The following ARMH4 variants were observed in gnomAD, a reference collection of about 807,000 sequenced individuals.
The protein encoded by ARMH4 is armadillo like helical domain containing 4.
In ARMH4, 49 loss-of-function variants were observed where a neutral mutation model predicts 61.9. The ratio of observed to expected loss-of-function variants is 0.79; its 90% CI spans 0.63 to 1.00. ARMH4 has a LOEUF of 1.00. Among genes scored for constraint, ARMH4 ranks in the 50% least tolerant of loss-of-function variants. The pLI, the probability that ARMH4 is intolerant of heterozygous loss-of-function variation, is 0.00. For synonymous variants in ARMH4, 368 were observed against 341.5 expected (o/e 1.08, Z -0.85); for missense variants, 934 against 930.0 (o/e 1.00, Z -0.06).
At chr14:58,064,354 G>T (rs1884635139) in intron 5 of ARMH4, among the ~76,000 whole-genome samples, 1 of 152,122 alleles carries the variant, frequency 6.6e-6, no homozygotes, top group Non-Finnish European at 1.5e-5. Flanking sequence ...CACTATCTTT[G>T]CTATTTAAAT....
intron 4 of ARMH4, among the ~76,000 whole-genome samples, chr14:58,099,173 T>C (rs1215211127): frequency 1.3e-5 from 2 of 152,186 alleles, no homozygotes; most frequent in Non-Finnish European, 2.9e-5. Context: ...ATGTTGGAAG[T>C]CTAGGGAAGT....
chr14:58,012,578 G>A (rs1221800221), intron 5 of ARMH4, among the ~76,000 whole-genome samples: 1 of 152,136 alleles, frequency 6.6e-6, no homozygotes, highest in Non-Finnish European at 1.5e-5. Context: ...AGGGAGGAAG[G>A]GAAAATAAGC....
chr14:58,146,898 T>C (rs572401541), intron 1 of ARMH4, among the ~76,000 whole-genome samples: 1 of 152,300 alleles, frequency 6.6e-6, no homozygotes, highest in South Asian at 2.1e-4. Flanking sequence ...ATATATAATA[T>C]TAAGGCACAA....
rs754683935 is a variant in ARMH4, at chr14:58,138,202, T to C, written c.1157A>G (p.Asn386Ser). Reference protein sequence around the residue: ...TGTALLIAHGNERSPAFTDQS... With the variant: ...TGTALLIAHGSERSPAFTDQS... ...ATCAGTGAAAGCAGGTGATCTCTCA[T>C]TCCCATGCGCTATTAGCAGGGCTGT... The change falls in exon 2 of 8, where the codon AAT becomes AGT. Residue 386 changes from asparagine to serine, a missense_variant. Coordinates refer to ENST00000267485, the MANE Select transcript of ARMH4 (RefSeq NM_001001872.4). 2 of 1,614,198 alleles carry C rather than the reference T, an allele frequency of 1.2e-6. No homozygotes were observed. The highest frequency in any genetic ancestry group is 1.7e-6 in the Non-Finnish European group (2 of 1,180,030).
At chr14:58,039,052 G>A (rs1345715731) in intron 5 of ARMH4, among the ~76,000 whole-genome samples, 1 of 152,204 alleles carries the variant, frequency 6.6e-6, no homozygotes, top group Non-Finnish European at 1.5e-5. Context: ...CCCCTGGACT[G>A]CTCCCAGGCA....
In ARMH4 at chr14:58,142,661, G is replaced by A. The variant is rs186570696; in HGVS notation, c.-56-3247C>T. On this transcript the variant is annotated intron_variant, in intron 1 of 7. Transcript: ENST00000267485. ...TAATTTTTGTATTTTTATTAGAGAC[G>A]GGGTTTCACCATGTTGGCCAGACTG... Among the ~76,000 whole-genome samples the A allele has an allele frequency of 6.3e-4, 95 of 151,884 alleles. No individual in the cohort carries two copies. The East Asian group carries it at 7.4e-3, about 12-fold the overall frequency.
rs182882216 is a variant in ARMH4, at chr14:58,031,309, G to A, written c.2090-19159C>T. On this transcript the variant is annotated intron_variant, in intron 5 of 7. Coordinates refer to ENST00000267485, the MANE Select transcript of ARMH4 (RefSeq NM_001001872.4). ...TTTTATGAGTTGCCTATATGGCTGT[G>A]AATTAGCCATCAACCAAAATGGATT... 2.0e-5 allele frequency among the ~76,000 whole-genome samples: 3 copies of A among 152,286 alleles called. No individual in the cohort carries two copies. In the East Asian group the frequency reaches 5.8e-4, roughly 29 times the overall value.
At chr14:58,137,890 T>C in intron 2 of ARMH4, 100 bp downstream of exon 2, 2 of 1,233,806 alleles carry the variant, frequency 1.6e-6, no homozygotes, top group East Asian at 5.0e-5. Flanking sequence ...CCTGGCCTGC[T>C]TTTCATTAAA....
chr14:58,017,051 C>T (rs971190210), intron 5 of ARMH4, among the ~76,000 whole-genome samples: 1 of 152,214 alleles, frequency 6.6e-6, no homozygotes, highest in Admixed American at 6.5e-5. Flanking sequence ...CACAGTGGCT[C>T]ACACCTGTAA....
chr14:58,026,855 T>C (rs1883038380), intron 5 of ARMH4, among the ~76,000 whole-genome samples: 2 of 152,126 alleles, frequency 1.3e-5, no homozygotes, highest in Admixed American at 6.5e-5. Flanking sequence ...CAAAGGTAAA[T>C]AGAAGATTGC....
intron 4 of ARMH4, among the ~76,000 whole-genome samples, chr14:58,128,145 C>G (rs1388833231): frequency 6.6e-6 from 1 of 152,160 alleles, no homozygotes; most frequent in Non-Finnish European, 1.5e-5. Context: ...AGACAGATTT[C>G]TAACATACAG....
At chr14:58,050,756 T>C (rs1172741824) in intron 5 of ARMH4, among the ~76,000 whole-genome samples, 1 of 152,126 alleles carries the variant, frequency 6.6e-6, no homozygotes, top group African/African-American at 2.4e-5. Flanking sequence ...TGCATTGTTG[T>C]GCAGCAACAA....
At chr14:58,020,048 T>A (rs1181798025) in intron 5 of ARMH4, among the ~76,000 whole-genome samples, 1 of 152,152 alleles carries the variant, frequency 6.6e-6, no homozygotes, top group Admixed American at 6.5e-5. Context: ...AAATAATAAT[T>A]AAGATTTGTT....
rs542031642 is a variant in ARMH4 at position 58,029,457 on chromosome 14, C to T, written c.2090-17307G>A. 8.5e-5 allele frequency among the ~76,000 whole-genome samples: 13 copies of T among 152,268 alleles called. 1 individual carries two copies. The East Asian group carries it at 2.5e-3, about 29-fold the overall frequency. Reference sequence around the variant, plus strand: ...CCATGTTGGTCAGGCTGGTCTCGAACTCCTGACCTCAGGTGATCCGCCTAC... The same window carrying T: ...CCATGTTGGTCAGGCTGGTCTCGAATTCCTGACCTCAGGTGATCCGCCTAC... On this transcript the variant is annotated intron_variant, in intron 5 of 7. Transcript: ENST00000267485.
chr14:58,039,332 CT>C (rs1238612801), intron 5 of ARMH4, among the ~76,000 whole-genome samples: 2 of 152,216 alleles, frequency 1.3e-5, no homozygotes, highest in Non-Finnish European at 2.9e-5. Flanking sequence ...GTAATCCCAT[CT>C]TGCCTCTGTT....
At chr14:58,144,093 A>C (rs545203330) in intron 1 of ARMH4, among the ~76,000 whole-genome samples, 1 of 152,290 alleles carries the variant, frequency 6.6e-6, no homozygotes, top group East Asian at 1.9e-4. Context: ...TTTTTAAAAA[A>C]GAGAAAATGG....
At chr14:58,044,157 A>G (rs370751612) in intron 5 of ARMH4, among the ~76,000 whole-genome samples, 3 of 152,118 alleles carry the variant, frequency 2.0e-5, no homozygotes, top group South Asian at 2.1e-4. Flanking sequence ...GCATTGCCAA[A>G]TCAATCCTAA....
chr14:58,098,374 A>C (rs963697197), intron 4 of ARMH4, among the ~76,000 whole-genome samples: 1 of 152,228 alleles, frequency 6.6e-6, no homozygotes, highest in Non-Finnish European at 1.5e-5. Context: ...CTAGGGATAA[A>C]AGCAATAACG....
intron 5 of ARMH4, among the ~76,000 whole-genome samples, chr14:58,014,929 AAG>A (rs1882550471): frequency 6.6e-6 from 1 of 152,172 alleles, no homozygotes; most frequent in Admixed American, 6.5e-5. Flanking sequence ...GGCAAATCAA[AAG>A]AGAGGTGGAG....
Sources: allele counts gnomAD v4.1 joint callset (sites outside exome capture counted in the v4.1 genomes callset), GRCh38; gene constraint gnomAD v4.1.1; transcripts MANE v1.5; gene names NCBI Gene and HGNC (gene_info 2026-07-23, HGNC 2026-07-21).